ZMYM2: variants seen among roughly 807,000 people sequenced by gnomAD.
ZMYM2 encodes the protein zinc finger MYM-type containing 2, also known as zinc finger MYM-type protein 2.
In ZMYM2, 56 loss-of-function variants were observed where a neutral mutation model predicts 162.8. That is an observed-to-expected ratio of 0.34 (90% CI 0.28 to 0.43). The LOEUF (loss-of-function observed/expected upper bound fraction) is 0.43, where lower values mean the gene tolerates loss of function less well. Among genes scored for constraint, ZMYM2 ranks in the 20% least tolerant of loss-of-function variants. ZMYM2 has a pLI of 1.00. For synonymous variants in ZMYM2, 510 were observed against 541.6 expected, an observed-to-expected ratio of 0.94 and a Z score of 0.81; for missense variants, 1,275 against 1,621.8, an observed-to-expected ratio of 0.79 and a Z score of 3.67.
chr13:19,906,006 G>A, the ZMYM2 span, among the ~76,000 whole-genome samples: 10 of 151,856 alleles, frequency 6.6e-5, no homozygotes, highest in East Asian at 1.9e-3. Context: ...GCCGGGCGTG[G>A]TGGTGACACC....
At chr13:19,884,535 T>C in the ZMYM2 span, among the ~76,000 whole-genome samples, 2 of 151,512 alleles carry the variant, frequency 1.3e-5, no homozygotes, top group Non-Finnish European at 2.9e-5. Flanking sequence ...ATCGCGCCAC[T>C]GCACTCCAGC....
chr13:19,989,242 A>G (rs1408598037), intron 2 of ZMYM2, among the ~76,000 whole-genome samples: 5 of 152,084 alleles, frequency 3.3e-5, no homozygotes, highest in Non-Finnish European at 7.4e-5. Flanking sequence ...TTTTGTGGGT[A>G]CTTTGTAGGT....
At chr13:19,971,228 A>ATGTGTG (rs10629393) in intron 2 of ZMYM2, among the ~76,000 whole-genome samples, 729 of 58,638 alleles carry the variant, frequency 0.012, 33 homozygotes, top group Non-Finnish European at 0.016. Context: ...GTTTATATAT[A>ATGTGTG]TGTGTGTGTG....
rs748988991 is a variant in ZMYM2, at chr13:20,087,271, T to TA, written c.*1268dup. The TA allele has an allele frequency of 0.036, 5,965 of 165,910 alleles. 63 individuals are homozygous for TA. Among genetic ancestry groups the TA allele is most frequent in the East Asian group, 0.076 (652 of 8,526 alleles). 10.3% of individuals were successfully genotyped at this position (165,910 alleles called of 1,614,324 possible). A position where few individuals can be genotyped will look rare whatever the true frequency, so the allele number is the denominator to read the frequency against. On this transcript the variant is annotated 3_prime_UTR_variant, in exon 25 of 25. Transcript: ENST00000610343. ...AATTACTTCTTATAGAAGATTGCAT[T>TA]AAAAAAAAAAACAACTTTGTGCTTC...
At chr13:19,867,358 A>C in the ZMYM2 span, among the ~76,000 whole-genome samples, 1 of 152,102 alleles carries the variant, frequency 6.6e-6, no homozygotes, top group Admixed American at 6.6e-5. Context: ...CTCAAAAAAA[A>C]AAAAAAAAGT....
At position 20,014,713 on chromosome 13, in the gene ZMYM2, A is replaced by G. The variant is rs557626896; in HGVS notation, c.1513-4834A>G. Among the ~76,000 whole-genome samples the G allele has an allele frequency of 4.2e-5, 5 of 120,226 alleles. No homozygotes were observed. The South Asian group carries it at 1.1e-3, about 26-fold the overall frequency. The allele number at this position is 120,226 out of a possible 152,430, so 78.9% of individuals were successfully genotyped here. A position where few individuals can be genotyped will look rare whatever the true frequency, so the allele number is the denominator to read the frequency against. On this transcript the variant is annotated intron_variant, in intron 6 of 24. Coordinates refer to ENST00000610343, the MANE Select transcript of ZMYM2 (RefSeq NM_197968.4). ...TCTTCTGCTGGCTTTGGGTTTAGTGATCTCGTCTTTTTCCTCAAGGTGGTG... is the reference window on the plus strand; with the variant it reads ...TCTTCTGCTGGCTTTGGGTTTAGTGGTCTCGTCTTTTTCCTCAAGGTGGTG...
chr13:19,964,124 A>T (rs1331074480), intron 2 of ZMYM2, among the ~76,000 whole-genome samples: 1 of 152,128 alleles, frequency 6.6e-6, no homozygotes, highest in Non-Finnish European at 1.5e-5. Context: ...CACGCCTGTA[A>T]TCTTAGCTTT....
At chr13:20,055,927 A>G (rs145698060) in intron 14 of ZMYM2, among the ~76,000 whole-genome samples, 18 of 152,332 alleles carry the variant, frequency 1.2e-4, no homozygotes, top group African/African-American at 4.3e-4. Flanking sequence ...ATGTGGTATG[A>G]AAAGTGTTGA....
At chr13:20,074,237 T>TGTGTGTGTGTGTGTGTGTGTGAGA (rs1491090474) in intron 21 of ZMYM2, among the ~76,000 whole-genome samples, 1 of 127,464 alleles carries the variant, frequency 7.8e-6, no homozygotes, top group African/African-American at 2.7e-5. Context: ...TGTGTGTGTG[T>TGTGTGTGTGTGTGTGTGTGTGAGA]GAGAGAGACA....
chr13:19,923,229 C>A, the ZMYM2 span, among the ~76,000 whole-genome samples: 15 of 145,630 alleles, frequency 1.0e-4, no homozygotes, highest in East Asian at 3.1e-3. Context: ...TGATGGCGGG[C>A]GCCTGTAGTC....
intron 3 of ZMYM2, among the ~76,000 whole-genome samples, chr13:19,996,656 G>A (rs1015465414): frequency 1.3e-5 from 2 of 152,122 alleles, no homozygotes; most frequent in Admixed American, 1.3e-4. Context: ...GGCGGAGGTT[G>A]CAGTGAGCAG....
chr13:19,919,802 T>C, the ZMYM2 span, among the ~76,000 whole-genome samples: 2 of 151,786 alleles, frequency 1.3e-5, no homozygotes, highest in Non-Finnish European at 2.9e-5. Flanking sequence ...CTCAGCCTCC[T>C]GAGTAGCTGG....
At chr13:19,883,972 G>A in the ZMYM2 span, among the ~76,000 whole-genome samples, 1 of 152,144 alleles carries the variant, frequency 6.6e-6, no homozygotes, top group African/African-American at 2.4e-5. Context: ...GCGCAGAATG[G>A]TCTCAAACTC....
At chr13:20,006,984 T>G (rs963191366) in intron 6 of ZMYM2, among the ~76,000 whole-genome samples, 3 of 152,214 alleles carry the variant, frequency 2.0e-5, no homozygotes, top group Non-Finnish European at 4.4e-5. Flanking sequence ...AAATTTAAGA[T>G]TTTACATATA....
the ZMYM2 span, chr13:19,865,131 A>C: frequency 6.6e-6 from 1 of 152,384 alleles, no homozygotes. Context: ...CATCTAATGC[A>C]GGGGTGGCCA....
At chr13:19,946,060 A>G in the ZMYM2 span, among the ~76,000 whole-genome samples, 2 of 151,698 alleles carry the variant, frequency 1.3e-5, no homozygotes, top group Non-Finnish European at 2.9e-5. Context: ...ATCATTAACT[A>G]TCATCAACTC....
intron 7 of ZMYM2, 186 bp downstream of exon 7, chr13:20,019,804 G>T (rs752932842): frequency 6.9e-6 from 4 of 583,696 alleles, no homozygotes; most frequent in Non-Finnish European, 1.2e-5. Flanking sequence ...AATTTTACAT[G>T]TATTTTCTTG....
chr13:19,992,191 T>TA (rs1555290353), intron 2 of ZMYM2, among the ~76,000 whole-genome samples: 1 of 151,070 alleles, frequency 6.6e-6, no homozygotes, highest in Admixed American at 6.6e-5. Context: ...CAAAAAAGAT[T>TA]AAAATTTTCA....
chr13:19,880,204 T>C, the ZMYM2 span, among the ~76,000 whole-genome samples: 2 of 152,312 alleles, frequency 1.3e-5, no homozygotes, highest in South Asian at 4.1e-4. Flanking sequence ...CTAATTCCTA[T>C]AATAAAGACA....
Sources: allele counts gnomAD v4.1 joint callset (sites outside exome capture counted in the v4.1 genomes callset), GRCh38; gene constraint gnomAD v4.1.1; transcripts MANE v1.5; gene names NCBI Gene and HGNC (gene_info 2026-07-23, HGNC 2026-07-21).